TMEM178A: variants seen among roughly 807,000 people sequenced by gnomAD.
The protein encoded by TMEM178A is transmembrane protein 178A.
TMEM178A carries 12 observed loss-of-function variants against 29.1 expected under a neutral mutation model. The ratio of observed to expected loss-of-function variants is 0.41; its 90% CI spans 0.26 to 0.67. The LOEUF is 0.67. TMEM178A is among the 30% of genes least tolerant of loss of function. The pLI, the probability that TMEM178A is intolerant of heterozygous loss-of-function variation, is 0.29. For synonymous variants in TMEM178A, 210 were observed against 187.2 expected (o/e 1.12, Z -0.99); for missense variants, 366 against 419.1 (o/e 0.87, Z 1.11).
intron 1 of TMEM178A, among the ~76,000 whole-genome samples, chr2:39,699,148 C>T (rs953585420): frequency 4.6e-5 from 7 of 151,874 alleles, no homozygotes; most frequent in African/African-American, 1.7e-4. Context: ...GCCTCAGCCT[C>T]CTGAGTAGCT....
At chr2:39,689,256 C>G (rs1246303044) in intron 1 of TMEM178A, among the ~76,000 whole-genome samples, 1 of 152,180 alleles carries the variant, frequency 6.6e-6, no homozygotes, top group Non-Finnish European at 1.5e-5. Flanking sequence ...CAGTAAGTTG[C>G]TCTTTTCTGA....
intron 1 of TMEM178A, among the ~76,000 whole-genome samples, chr2:39,685,523 C>T (rs1671040757): frequency 6.6e-6 from 1 of 152,072 alleles, no homozygotes; most frequent in Admixed American, 6.5e-5. Context: ...TGTTTTCATT[C>T]ATTTTATAGG....
At chr2:39,682,836 G>A (rs1204503347) in intron 1 of TMEM178A, among the ~76,000 whole-genome samples, 1 of 152,158 alleles carries the variant, frequency 6.6e-6, no homozygotes, top group East Asian at 1.9e-4. Flanking sequence ...AATATAAATG[G>A]GTCACAGGGT....
intron 1 of TMEM178A, among the ~76,000 whole-genome samples, chr2:39,679,212 T>G (rs1166554781): frequency 6.6e-6 from 1 of 152,220 alleles, no homozygotes; most frequent in African/African-American, 2.4e-5. Context: ...TGCCATAGAA[T>G]GGTTGTTGAA....
intron 3 of TMEM178A, among the ~76,000 whole-genome samples, chr2:39,713,949 C>G (rs1281252514): frequency 4.6e-5 from 7 of 152,144 alleles, no homozygotes; most frequent in Non-Finnish European, 1.0e-4. Flanking sequence ...TTTACAGAAG[C>G]TTGTTGGAAA....
chr2:39,698,164 A>G (rs531251907), intron 1 of TMEM178A, among the ~76,000 whole-genome samples: 4 of 152,372 alleles, frequency 2.6e-5, no homozygotes, highest in East Asian at 1.9e-4. Context: ...ATTAAGATGC[A>G]TGTCTAGAAA....
At chr2:39,673,982 G>T (rs547951051) in intron 1 of TMEM178A, among the ~76,000 whole-genome samples, 15 of 152,290 alleles carry the variant, frequency 9.8e-5, no homozygotes, top group African/African-American at 3.1e-4. Flanking sequence ...GTCTAAGTGA[G>T]TGGGGGCAGG....
the TMEM178A span, among the ~76,000 whole-genome samples, chr2:39,729,714 T>C: frequency 8.0e-4 from 122 of 152,300 alleles, no homozygotes; most frequent in Admixed American, 3.1e-3. Context: ...AAGTTAGGGT[T>C]TAAACTATGC....
chr2:39,708,878 C>T (rs1672178851), intron 3 of TMEM178A, among the ~76,000 whole-genome samples: 1 of 152,138 alleles, frequency 6.6e-6, no homozygotes, highest in Admixed American at 6.5e-5. Context: ...TTCCTTTCTT[C>T]TCCTCCTTCA....
At chr2:39,683,945 T>C (rs1572660116) in intron 1 of TMEM178A, among the ~76,000 whole-genome samples, 3 of 152,256 alleles carry the variant, frequency 2.0e-5, no homozygotes, top group Non-Finnish European at 4.4e-5. Context: ...CTGATAATCA[T>C]GCAGTCTGTT....
chr2:39,713,169 C>A (rs550787482), intron 3 of TMEM178A, among the ~76,000 whole-genome samples: 1 of 152,300 alleles, frequency 6.6e-6, no homozygotes, highest in Admixed American at 6.5e-5. Flanking sequence ...CAATGTTGAA[C>A]TGAGTCCAAT....
At chr2:39,679,811 A>G (rs1670792032) in intron 1 of TMEM178A, among the ~76,000 whole-genome samples, 1 of 152,170 alleles carries the variant, frequency 6.6e-6, no homozygotes, top group African/African-American at 2.4e-5. Flanking sequence ...CAGAAAGCAG[A>G]ATAGCTGGAA....
In TMEM178A at chr2:39,717,205, G is replaced by A. The variant is rs146286536; in HGVS notation, c.848G>A (p.Arg283Gln). Residue 283 changes from arginine (R) to glutamine (Q), a missense_variant, in exon 4 of 4, where the codon CGG (arginine) becomes CAG (glutamine). This residue lies in a region of TMEM178A where 119 missense variants were observed against 172.2 expected (regional missense o/e 0.69). Coordinates refer to ENST00000281961, the MANE Select transcript of TMEM178A (RefSeq NM_152390.3). ...TGCATCGCTTATCCGTTTATTAGCC[G>A]GACCAAGATTGCACAGCTAAAGTCT... ...GLCIAYPFIS[R>Q]TKIAQLKSGR... 1.5e-4 allele frequency: 246 copies of A among 1,613,096 alleles called. No individual in the cohort carries two copies. Among genetic ancestry groups the A allele is most frequent in the Non-Finnish European group, 2.0e-4 (234 of 1,179,948 alleles).
intron 1 of TMEM178A, among the ~76,000 whole-genome samples, chr2:39,681,225 T>G (rs1464354425): frequency 6.6e-6 from 1 of 152,200 alleles, no homozygotes. Context: ...TGATGCTTGA[T>G]AGGACCTGTT....
downstream of TMEM178A, among the ~76,000 whole-genome samples, chr2:39,720,196 T>TA (rs559509623): frequency 3.1e-4 from 47 of 152,248 alleles, no homozygotes; most frequent in Non-Finnish European, 6.5e-4. Flanking sequence ...CCTGGCAAGT[T>TA]AAAAAAATAC....
At position 39,717,158 on chromosome 2, in the gene TMEM178A, T is replaced by C; in HGVS notation, c.801T>C (p.Phe267=). Residue 267 remains phenylalanine, a synonymous_variant, in exon 4 of 4, where the codon TTT becomes TTC. Coordinates refer to ENST00000281961, the MANE Select transcript of TMEM178A (RefSeq NM_152390.3). ...TTTGCGCCTGGTGCAGTTTAGGCTT[T>C]ATTGTGGCAGCTGGAGGTCTCTGCA... ...SIFCAWCSLG[F]IVAAGGLCIA... The C allele has an allele frequency of 6.2e-7, 1 of 1,613,318 alleles. No individual in the cohort carries two copies. The highest frequency in any genetic ancestry group is 1.1e-5 in the South Asian group (1 of 90,998).
At chr2:39,701,754 G>C (rs1285023700) in intron 1 of TMEM178A, among the ~76,000 whole-genome samples, 1 of 151,942 alleles carries the variant, frequency 6.6e-6, no homozygotes, top group African/African-American at 2.4e-5. Flanking sequence ...TTCTCAGACT[G>C]GATGATTTCA....
At chr2:39,735,265 C>A in the TMEM178A span, among the ~76,000 whole-genome samples, 1 of 152,176 alleles carries the variant, frequency 6.6e-6, no homozygotes, top group Non-Finnish European at 1.5e-5. Context: ...TCTCCTCCTT[C>A]AAGTTGTGGT....
intron 1 of TMEM178A, among the ~76,000 whole-genome samples, chr2:39,702,491 C>T (rs968773809): frequency 6.6e-6 from 1 of 152,000 alleles, no homozygotes; most frequent in Non-Finnish European, 1.5e-5. Context: ...TTGAAGAATA[C>T]AAATGTAAGC....
Sources: allele counts gnomAD v4.1 joint callset (sites outside exome capture counted in the v4.1 genomes callset), GRCh38; gene constraint gnomAD v4.1.1; regional missense constraint gnomAD v4.1.1; transcripts MANE v1.5; gene names NCBI Gene and HGNC (gene_info 2026-07-23, HGNC 2026-07-21).